Variants in PRELID2 observed in about 807,000 individuals in gnomAD.
PRELID2 encodes the protein PRELI domain containing 2.
PRELID2 carries 25 observed loss-of-function variants against 28.4 expected under a neutral mutation model. The ratio of observed to expected loss-of-function variants is 0.88; its 90% confidence interval spans 0.64 to 1.23. PRELID2 has a LOEUF of 1.23. Ranked by LOEUF, PRELID2 falls within the 50% of genes most tolerant of loss-of-function variation. The probability of loss-of-function intolerance (pLI) is 0.00; values close to 1 mark genes in which losing one functional copy is unlikely to be tolerated. For synonymous variants in PRELID2, 76 were observed against 71.6 expected (o/e 1.06, Z -0.31); for missense variants, 201 against 214.4 (o/e 0.94, Z 0.39).
intron 1 of PRELID2, among the ~76,000 whole-genome samples, chr5:145,736,823 G>A (rs1450752681): frequency 6.6e-6 from 1 of 152,132 alleles, no homozygotes; most frequent in Non-Finnish European, 1.5e-5. Context: ...ATGCTCAATC[G>A]TTGTGGACAA....
At chr5:145,794,467 G>A (rs1752600772) in intron 5 of PRELID2, among the ~76,000 whole-genome samples, 1 of 152,140 alleles carries the variant, frequency 6.6e-6, no homozygotes, top group Non-Finnish European at 1.5e-5. Context: ...TTCATCTGAG[G>A]GCTGCACAGT....
At chr5:145,414,041 A>T in the PRELID2 span, among the ~76,000 whole-genome samples, 1 of 152,194 alleles carries the variant, frequency 6.6e-6, no homozygotes, top group Non-Finnish European at 1.5e-5. Flanking sequence ...TCTTATTTTT[A>T]GAGGTAGAAT....
the PRELID2 span, among the ~76,000 whole-genome samples, chr5:145,340,182 C>A: frequency 6.6e-6 from 1 of 152,166 alleles, no homozygotes; most frequent in East Asian, 1.9e-4. Context: ...CTAAAAATTA[C>A]CCAGCTAAGT....
the PRELID2 span, among the ~76,000 whole-genome samples, chr5:145,347,363 A>T: frequency 2.6e-5 from 4 of 152,138 alleles, no homozygotes; most frequent in South Asian, 6.2e-4. Context: ...CCTCAAGGGG[A>T]ATGCATCTTT....
At chr5:145,405,567 T>C in the PRELID2 span, among the ~76,000 whole-genome samples, 1,919 of 152,138 alleles carry the variant, frequency 0.013, 35 homozygotes, top group African/African-American at 0.044. Flanking sequence ...GTAGGAAGCA[T>C]GGTGACAACA....
chr5:145,642,726 C>T (rs894542421), intron 1 of PRELID2, among the ~76,000 whole-genome samples: 1 of 152,172 alleles, frequency 6.6e-6, no homozygotes, highest in African/African-American at 2.4e-5. Context: ...TTTCAGTTTT[C>T]TGCATATGGC....
At chr5:145,502,508 G>A (rs1050542625) in intron 1 of PRELID2, among the ~76,000 whole-genome samples, 2 of 152,264 alleles carry the variant, frequency 1.3e-5, no homozygotes, top group East Asian at 3.9e-4. Context: ...AGGGGAGGAG[G>A]TGTTATAATG....
chr5:145,354,033 A>C, the PRELID2 span, among the ~76,000 whole-genome samples: 1 of 152,202 alleles, frequency 6.6e-6, no homozygotes, highest in South Asian at 2.1e-4. Context: ...TCCCTGGAAA[A>C]GCAGCCAAGT....
chr5:145,288,053 G>T, the PRELID2 span, among the ~76,000 whole-genome samples: 2 of 152,096 alleles, frequency 1.3e-5, no homozygotes, highest in East Asian at 1.9e-4. Context: ...CATATCCAGA[G>T]TATATGCTGT....
the PRELID2 span, among the ~76,000 whole-genome samples, chr5:145,281,679 G>A: frequency 6.6e-6 from 1 of 152,148 alleles, no homozygotes; most frequent in African/African-American, 2.4e-5. Context: ...GCTCTCACAA[G>A]TAGAAAGCCT....
At chr5:145,327,233 T>C in the PRELID2 span, among the ~76,000 whole-genome samples, 7 of 152,166 alleles carry the variant, frequency 4.6e-5, no homozygotes, top group African/African-American at 1.4e-4. Context: ...TCTCCCATTA[T>C]TATTGTATTG....
intron 1 of PRELID2, among the ~76,000 whole-genome samples, chr5:145,680,722 A>G (rs922202888): frequency 5.3e-5 from 8 of 152,214 alleles, no homozygotes; most frequent in African/African-American, 1.9e-4. Context: ...TGAGATTCTT[A>G]TAATAAATTC....
chr5:145,387,890 C>T, the PRELID2 span, among the ~76,000 whole-genome samples: 1 of 149,912 alleles, frequency 6.7e-6, no homozygotes, highest in Admixed American at 6.7e-5. Flanking sequence ...TGCACCACTG[C>T]ACTCCAGCCT....
At chr5:145,319,332 C>T in the PRELID2 span, among the ~76,000 whole-genome samples, 13 of 152,060 alleles carry the variant, frequency 8.5e-5, no homozygotes, top group East Asian at 1.9e-4. Flanking sequence ...CTCCTATTCC[C>T]GAATCTTGTC....
intron 1 of PRELID2, among the ~76,000 whole-genome samples, chr5:145,656,841 T>C (rs1439306259): frequency 1.3e-5 from 2 of 152,068 alleles, no homozygotes; most frequent in Admixed American, 6.6e-5. Context: ...ACATGGTACA[T>C]GTATACATAA....
chr5:145,483,894 G>A (rs1479756455), intron 1 of PRELID2, among the ~76,000 whole-genome samples: 1 of 152,178 alleles, frequency 6.6e-6, no homozygotes, highest in Admixed American at 6.5e-5. Context: ...TCCCTTGTCT[G>A]TGTCAGTTGC....
the PRELID2 span, among the ~76,000 whole-genome samples, chr5:145,434,847 T>C: frequency 6.6e-6 from 1 of 152,130 alleles, no homozygotes; most frequent in Non-Finnish European, 1.5e-5. Context: ...GGAATAAAAG[T>C]AAGAAACCAG....
intron 1 of PRELID2, among the ~76,000 whole-genome samples, chr5:145,621,975 A>G (rs977708778): frequency 6.6e-6 from 1 of 152,184 alleles, no homozygotes; most frequent in Non-Finnish European, 1.5e-5. Context: ...TTACATGTCA[A>G]CTAAAAGTAA....
chr5:145,347,703 A>C, the PRELID2 span, among the ~76,000 whole-genome samples: 1 of 152,076 alleles, frequency 6.6e-6, no homozygotes, highest in Non-Finnish European at 1.5e-5. Flanking sequence ...CCCTTTGAGT[A>C]AATAATACCA....
Sources: gnomAD v4.1 joint callset for allele counts (sites outside exome capture counted in the v4.1 genomes callset) on GRCh38, gnomAD v4.1.1 for gene constraint, MANE v1.5 for transcripts, NCBI Gene and HGNC (gene_info 2026-07-23, HGNC 2026-07-21) for gene names.